RFX4: variants seen among roughly 807,000 people sequenced by gnomAD.
RFX4 encodes the protein regulatory factor X4, also known as transcription factor RFX4.
A neutral mutation model predicts 95.0 loss-of-function variants in RFX4; 10 were observed. That is an observed-to-expected ratio of 0.11 (90% CI 0.06 to 0.18). The LOEUF is 0.18. Among genes scored for constraint, RFX4 ranks in the 10% least tolerant of loss-of-function variants. The probability of loss-of-function intolerance (pLI) is 1.00; values close to 1 mark genes in which losing one functional copy is unlikely to be tolerated. For missense variants in RFX4, 640 were observed against 922.0 expected (o/e 0.69, Z 3.96); for synonymous variants, 321 against 340.7 (o/e 0.94, Z 0.64).
intron 4 of RFX4, among the ~76,000 whole-genome samples, chr12:106,680,489 T>C (rs2041484254): frequency 6.6e-6 from 1 of 152,202 alleles, no homozygotes; most frequent in Non-Finnish European, 1.5e-5. Flanking sequence ...TCACAGTCCA[T>C]ATTTGTTGAG....
chr12:106,745,734 T>C lies in RFX4; in HGVS notation c.1634-1703T>C, dbSNP rs542351599. 7.2e-5 allele frequency among the ~76,000 whole-genome samples: 11 copies of C among 152,344 alleles called. No individual in the cohort carries two copies. In the South Asian group the frequency reaches 2.3e-3, roughly 32 times the overall value. On this transcript the variant is annotated intron_variant, in intron 15 of 17. Coordinates refer to ENST00000392842, the MANE Select transcript of RFX4 (RefSeq NM_213594.3). ...GAATGGGAGATCAAATTTTCTCTTT[T>C]ACTTCACCTTAAAAATGTCCTCCCT...
intron 2 of RFX4, among the ~76,000 whole-genome samples, chr12:106,631,217 C>T (rs1178010756): frequency 6.6e-6 from 1 of 152,174 alleles, no homozygotes; most frequent in Non-Finnish European, 1.5e-5. Context: ...ATAAACATTC[C>T]CCGATGGTAC....
intron 3 of RFX4, among the ~76,000 whole-genome samples, chr12:106,646,722 C>G (rs2137299497): frequency 6.6e-6 from 1 of 152,214 alleles, no homozygotes; most frequent in Admixed American, 6.5e-5. Context: ...GCTGAGCACA[C>G]CTAATCCTCA....
At chr12:106,682,627 A>G (rs10467028) in intron 5 of RFX4, 55,817 of 152,252 alleles carry the variant, frequency 0.37, 10,316 homozygotes, top group South Asian at 0.4. Context: ...TGCTGCCCTC[A>G]TGGAGCATAG....
At chr12:106,749,213 G>A (rs749653435) in intron 16 of RFX4, among the ~76,000 whole-genome samples, 4 of 146,378 alleles carry the variant, frequency 2.7e-5, no homozygotes, top group Admixed American at 7.0e-5. Flanking sequence ...CTGAGATCGC[G>A]CCACTGCATT....
intron 3 of RFX4, among the ~76,000 whole-genome samples, chr12:106,647,288 A>G (rs764599332): frequency 1.3e-5 from 2 of 152,108 alleles, no homozygotes; most frequent in Non-Finnish European, 2.9e-5. Flanking sequence ...ACCTGAGTTC[A>G]TACTTTTTAA....
At chr12:106,723,835 C>T (rs2042440051) in intron 13 of RFX4, among the ~76,000 whole-genome samples, 1 of 152,166 alleles carries the variant, frequency 6.6e-6, no homozygotes, top group Non-Finnish European at 1.5e-5. Context: ...TCCCTGTAGT[C>T]AGGAGTGGAA....
chr12:106,618,397 A>G (rs1592856303), intron 2 of RFX4, among the ~76,000 whole-genome samples: 1 of 152,026 alleles, frequency 6.6e-6, no homozygotes, highest in African/African-American at 2.4e-5. Context: ...CGATATTTTT[A>G]GCTTTGTTAA....
chr12:106,684,582 T>C, intron 5 of RFX4: 1 of 755,318 alleles, frequency 1.3e-6, no homozygotes, highest in East Asian at 3.2e-5. Context: ...TCTGAACATA[T>C]TAGATGATCT....
intron 4 of RFX4, chr12:106,662,215 A>C: frequency 2.5e-6 from 1 of 406,106 alleles, no homozygotes; most frequent in Non-Finnish European, 4.9e-6. Context: ...CTACATCCTC[A>C]CCAGCATTTG....
chr12:106,583,546 G>T, intron 1 of RFX4, 183 bp downstream of exon 1: 1 of 531,438 alleles, frequency 1.9e-6, no homozygotes, highest in Non-Finnish European at 3.2e-6. Flanking sequence ...ATGCGTGGAA[G>T]TATGTGTATA....
At chr12:106,697,168 C>G (rs2041896953) in intron 8 of RFX4, among the ~76,000 whole-genome samples, 1 of 152,140 alleles carries the variant, frequency 6.6e-6, no homozygotes, top group South Asian at 2.1e-4. Flanking sequence ...AACCTGTGCT[C>G]CGAGCCTTAG....
Position 106,669,836 on chromosome 12 carries a change from AGG to A in RFX4, c.316-12154_316-12153del, listed in dbSNP as rs1171240457. Among the ~76,000 whole-genome samples, 169 of 81,184 alleles carry A rather than the reference AGG, an allele frequency of 2.1e-3. 4 individuals carry two copies. Among genetic ancestry groups the A allele is most frequent in the South Asian group, 0.015 (26 of 1,788 alleles). The allele number at this position is 81,184 out of a possible 152,430, so 53.3% of individuals were successfully genotyped here. On this transcript the variant is annotated intron_variant, in intron 4 of 17. Coordinates refer to ENST00000392842, the MANE Select transcript of RFX4 (RefSeq NM_213594.3). ...TCTGATTTCACACCAGGTTTTTTCT[AGG>A]GGTGTGTGTGTGTGTGTGTGTGTGT...
chr12:106,729,021 C>T (rs960171956), intron 13 of RFX4, among the ~76,000 whole-genome samples: 1 of 152,158 alleles, frequency 6.6e-6, no homozygotes, highest in African/African-American at 2.4e-5. Flanking sequence ...CCTAAAGTAC[C>T]GGCTTCCAAG....
Position 106,761,518 on chromosome 12 carries a change from T to C in RFX4, c.*49T>C. 2 of 1,262,258 alleles carry C rather than the reference T, an allele frequency of 1.6e-6. No homozygotes were observed. Among genetic ancestry groups the C allele is most frequent in the Non-Finnish European group, 2.0e-6 (2 of 987,566 alleles). 78.2% of individuals were successfully genotyped at this position (1,262,258 alleles called of 1,614,324 possible). On this transcript the variant is annotated 3_prime_UTR_variant, in exon 18 of 18. Transcript: ENST00000392842. ...TAATATTAATAATAATAATTAATAA[T>C]AATAATAAACCCAACACCCATCCCC... is the stretch of plus-strand genomic sequence containing the variant.
chr12:106,659,030 T>A (rs1395518334), intron 4 of RFX4, among the ~76,000 whole-genome samples: 1 of 152,218 alleles, frequency 6.6e-6, no homozygotes, highest in Non-Finnish European at 1.5e-5. Context: ...TGTTCCAAGT[T>A]TGTCTATGGC....
chr12:106,698,391 G>C (rs1190955999), intron 8 of RFX4, among the ~76,000 whole-genome samples: 2 of 151,998 alleles, frequency 1.3e-5, no homozygotes, highest in East Asian at 3.9e-4. Flanking sequence ...TGATCCTCCT[G>C]CCCCAGCCTG....
intron 4 of RFX4, among the ~76,000 whole-genome samples, chr12:106,657,510 T>A (rs2040983264): frequency 6.6e-6 from 1 of 152,182 alleles, no homozygotes; most frequent in East Asian, 1.9e-4. Flanking sequence ...CTTCCAGTAA[T>A]GCTGTATTGA....
At chr12:106,601,321 C>A (rs568034056) in intron 1 of RFX4, 4 of 1,592,886 alleles carry the variant, frequency 2.5e-6, no homozygotes, top group Admixed American at 1.7e-5. Context: ...GCGACAGGAC[C>A]AGGCCTCGAC....
Sources: gnomAD v4.1 joint callset for allele counts (sites outside exome capture counted in the v4.1 genomes callset) on GRCh38, gnomAD v4.1.1 for gene constraint, MANE v1.5 for transcripts, NCBI Gene and HGNC (gene_info 2026-07-23, HGNC 2026-07-21) for gene names.